RAB8A: variants seen among roughly 807,000 people sequenced by gnomAD.
RAB8A encodes ras-related protein Rab-8A.
A neutral mutation model predicts 29.2 loss-of-function variants in RAB8A; 5 were observed. That is an observed-to-expected ratio of 0.17 (90% CI 0.09 to 0.36). RAB8A has a LOEUF of 0.36. Among genes scored for constraint, RAB8A ranks in the 10% least tolerant of loss-of-function variants. The probability of loss-of-function intolerance (pLI) is 1.00; values close to 1 mark genes in which losing one functional copy is unlikely to be tolerated. For synonymous variants in RAB8A, 108 were observed against 99.9 expected (o/e 1.08, Z -0.49); for missense variants, 171 against 272.2 (o/e 0.63, Z 2.62).
At chr19:16,118,133 C>T in intron 1 of RAB8A, 93 bp from the exon 2 acceptor site, 1 of 1,069,010 alleles carries the variant, frequency 9.4e-7, no homozygotes, top group Middle Eastern at 2.0e-4. Context: ...TAAGCCACAA[C>T]AGCTGTCACC....
rs1300771566 is a variant in RAB8A, at chr19:16,125,734, C to G, written c.324+187C>G. On this transcript the variant is annotated intron_variant, in intron 4 of 7. Coordinates refer to ENST00000300935, the MANE Select transcript of RAB8A (RefSeq NM_005370.5). This position sits in a 1 kb window ranked among gnomAD's most constrained non-coding sequence, Gnocchi z 5.0. ...CCGGCCCCAGGGACCACACACTGGCCTGGCCCCACCCCGGAGCCCCTCGGA... is the reference window on the plus strand; with the variant it reads ...CCGGCCCCAGGGACCACACACTGGCGTGGCCCCACCCCGGAGCCCCTCGGA... 2.8e-6 allele frequency: 2 copies of G among 704,364 alleles called. No homozygotes were observed. Among genetic ancestry groups the G allele is most frequent in the Non-Finnish European group, 5.2e-6 (2 of 388,076 alleles). 43.6% of individuals were successfully genotyped at this position (704,364 alleles called of 1,614,324 possible).
In RAB8A at chr19:16,117,829, G is replaced by A. The variant is rs571940143; in HGVS notation, c.125-397G>A. On this transcript the variant is annotated intron_variant, in intron 1 of 7. Coordinates refer to ENST00000300935, the MANE Select transcript of RAB8A (RefSeq NM_005370.5). ...AGAGAACGTGACCATGTGCATTGAC[G>A]CATGGTGGGGCCTAAGGCCCTGTGT... 5.3e-5 allele frequency among the ~76,000 whole-genome samples: 8 copies of A among 152,294 alleles called. No individual in the cohort carries two copies. In the East Asian group the frequency reaches 1.2e-3, roughly 22 times the overall value.
chr19:16,125,774 C>G lies in RAB8A; in HGVS notation c.324+227C>G. 10 of 663,638 alleles carry G rather than the reference C, an allele frequency of 1.5e-5. No individual in the cohort carries two copies. The South Asian group carries it at 1.5e-4, about 10-fold the overall frequency. 41.1% of individuals were successfully genotyped at this position (663,638 alleles called of 1,614,324 possible). A position where few individuals can be genotyped will look rare whatever the true frequency, so the allele number is the denominator to read the frequency against. On this transcript the variant is annotated intron_variant, in intron 4 of 7. Coordinates refer to ENST00000300935, the MANE Select transcript of RAB8A (RefSeq NM_005370.5). This position sits in a 1 kb window ranked among gnomAD's most constrained non-coding sequence, Gnocchi z 5.0. ...AGCCCCTCGGAGCCCATCCCTCCAG[C>G]TAGGCTGTTGGATCTGGCCAGTGTC...
chr19:16,130,817 AT>A (rs920300865), intron 7 of RAB8A, among the ~76,000 whole-genome samples: 11 of 138,018 alleles, frequency 8.0e-5, no homozygotes, highest in Admixed American at 3.1e-4. Flanking sequence ...TGCCTGGCTA[AT>A]TTTTTTTCTT....
rs766806877 is a variant in RAB8A, at chr19:16,111,918, ATTACCTG to A, written c.20_26del (p.Tyr7SerfsTer5). On this transcript the variant is annotated frameshift_variant, in exon 1 of 8. Transcript: ENST00000300935. LOFTEE classifies it high-confidence loss of function. ...GAGTGTAATATGGCGAAGACCTACG[ATTACCTG>A]TTCAAGCTGCTGCTGATCGGGGACT... 6.2e-7 allele frequency: 1 copy of A among 1,613,890 alleles called. No homozygotes were observed. The highest frequency in any genetic ancestry group is 1.1e-5 in the South Asian group (1 of 91,076).
At chr19:16,117,567 G>GTGAAC (rs2090851810) in intron 1 of RAB8A, among the ~76,000 whole-genome samples, 1 of 152,162 alleles carries the variant, frequency 6.6e-6, no homozygotes, top group Admixed American at 6.6e-5. Context: ...GAAGGCTGGG[G>GTGAAC]AGGGGACTGC....
intron 4 of RAB8A, chr19:16,126,101 C>T (rs1164668802): frequency 1.0e-5 from 2 of 195,568 alleles, no homozygotes; most frequent in South Asian, 9.6e-5. Context: ...TGGCTGCCGG[C>T]ACCTGCAGCT....
At position 16,125,317 on chromosome 19, in the gene RAB8A, T is replaced by C. The variant is rs1322531077; in HGVS notation, c.247-153T>C. On this transcript the variant is annotated intron_variant, in intron 3 of 7. Transcript: ENST00000300935. The surrounding 1 kb of genome is among the most constrained non-coding windows in gnomAD (Gnocchi z 5.0). The stretch of plus-strand genomic sequence containing the variant: ...AGGGATGGAGAGGAGGGGGCTGGCT[T>C]CCGGGGCTCCACAGAGGTGGGGAGG... The C allele has an allele frequency of 1.5e-6, 1 of 661,382 alleles. No homozygotes were observed. Among genetic ancestry groups the C allele is most frequent in the Non-Finnish European group, 2.7e-6 (1 of 375,514 alleles). The allele number at this position is 661,382 out of a possible 1,614,324, so 41.0% of individuals were successfully genotyped here.
At position 16,129,819 on chromosome 19, in the gene RAB8A, C is replaced by T. The variant is rs138241571; in HGVS notation, c.531+215C>T. 1.2e-4 allele frequency among the ~76,000 whole-genome samples: 19 copies of T among 152,300 alleles called. No individual in the cohort carries two copies. In the Middle Eastern group the frequency reaches 0.01, roughly 82 times the overall value. ...GGGACGCTGCCCAAGCAGACAAGGC[C>T]GTGCCCGGTGAATCCCCAGGCTAGC... On this transcript the variant is annotated intron_variant, in intron 7 of 7. Transcript: ENST00000300935.
At chr19:16,124,376 A>C (rs2090888503) in intron 3 of RAB8A, 2 of 152,244 alleles carry the variant, frequency 1.3e-5, no homozygotes, top group Admixed American at 6.5e-5. Context: ...TTATTCTGCA[A>C]ACTTGGATGG....
chr19:16,128,022 A>T lies in RAB8A; in HGVS notation c.415-4A>T. Reference sequence around the variant, plus strand: ...GCTCATGCGTGTGCCTCCCTCTCTCACAGCTGGCCCTCGACTATGGAATCA... The same window carrying T: ...GCTCATGCGTGTGCCTCCCTCTCTCTCAGCTGGCCCTCGACTATGGAATCA... On this transcript the variant is annotated splice_polypyrimidine_tract_variant and splice_region_variant and intron_variant, in intron 5 of 7. Coordinates refer to ENST00000300935, the MANE Select transcript of RAB8A (RefSeq NM_005370.5). 1 of 1,614,044 alleles carries T rather than the reference A, an allele frequency of 6.2e-7. No individual in the cohort carries two copies. The highest frequency in any genetic ancestry group is 8.5e-7 in the Non-Finnish European group (1 of 1,179,958).
At position 16,125,906 on chromosome 19, in the gene RAB8A, G is replaced by A. The variant is rs2090898882; in HGVS notation, c.324+359G>A. On this transcript the variant is annotated intron_variant, in intron 4 of 7. Coordinates refer to ENST00000300935, the MANE Select transcript of RAB8A (RefSeq NM_005370.5). The surrounding 1 kb of genome is among the most constrained non-coding windows in gnomAD (Gnocchi z 5.0). ...GGTGTGACCCTTGTAGTTGGAGGGT[G>A]TGGTGAGCAGGCGTCAGTTGTACTT... 5.1e-6 allele frequency: 2 copies of A among 394,818 alleles called. No individual in the cohort carries two copies. The highest frequency in any genetic ancestry group is 7.2e-5 in the Admixed American group (2 of 27,842). 24.5% of individuals were successfully genotyped at this position (394,818 alleles called of 1,614,324 possible). A position where few individuals can be genotyped will look rare whatever the true frequency, so the allele number is the denominator to read the frequency against.
At position 16,125,615 on chromosome 19, in the gene RAB8A, A is replaced by C; in HGVS notation, c.324+68A>C. 2 of 1,448,684 alleles carry C rather than the reference A, an allele frequency of 1.4e-6. No individual in the cohort carries two copies. Among genetic ancestry groups the C allele is most frequent in the Non-Finnish European group, 9.6e-7 (1 of 1,041,910 alleles). The allele number at this position is 1,448,684 out of a possible 1,614,324, so 89.7% of individuals were successfully genotyped here. A position where few individuals can be genotyped will look rare whatever the true frequency, so the allele number is the denominator to read the frequency against. On this transcript the variant is annotated intron_variant, in intron 4 of 7. Coordinates refer to ENST00000300935, the MANE Select transcript of RAB8A (RefSeq NM_005370.5). The surrounding 1 kb of genome is among the most constrained non-coding windows in gnomAD (Gnocchi z 5.0). Reference sequence around the variant, plus strand: ...TGTCCCAGAGCCCTCTGGTTTACTCATGAGAAGGCCAAGGTGCAGAGACAC... The same window carrying C: ...TGTCCCAGAGCCCTCTGGTTTACTCCTGAGAAGGCCAAGGTGCAGAGACAC...
chr19:16,131,581 AGATGGATGGGTG>A (rs2090924477), intron 7 of RAB8A, among the ~76,000 whole-genome samples: 1 of 146,788 alleles, frequency 6.8e-6, no homozygotes, highest in African/African-American at 2.6e-5. Flanking sequence ...GGGGGGAAGG[AGATGGATGGGTG>A]GATGGATGGT....
chr19:16,132,403 C>G lies in RAB8A; in HGVS notation c.*99C>G. 8.4e-7 allele frequency: 1 copy of G among 1,183,484 alleles called. No homozygotes were observed. Among genetic ancestry groups the G allele is most frequent in the Non-Finnish European group, 1.2e-6 (1 of 835,322 alleles). 73.3% of individuals were successfully genotyped at this position (1,183,484 alleles called of 1,614,324 possible). A position where few individuals can be genotyped will look rare whatever the true frequency, so the allele number is the denominator to read the frequency against. ...CGGGGCCCTCCCACCTCCAACGCCC[C>G]GCCCACGCCGCGGCCACCGGGCCCA... On this transcript the variant is annotated 3_prime_UTR_variant, in exon 8 of 8. Transcript: ENST00000300935. This position sits in a 1 kb window ranked among gnomAD's most constrained non-coding sequence, Gnocchi z 5.6.
At chr19:16,131,797 C>T (rs377255443) in intron 7 of RAB8A, among the ~76,000 whole-genome samples, 3 of 146,288 alleles carry the variant, frequency 2.1e-5, no homozygotes, top group South Asian at 2.2e-4. Context: ...GGTGGATAGA[C>T]GGATGGAAGG....
intron 1 of RAB8A, 52 bp downstream of exon 1, chr19:16,112,077 C>T (rs1390473590): frequency 1.2e-6 from 2 of 1,603,040 alleles, no homozygotes; most frequent in African/African-American, 1.3e-5. Flanking sequence ...GCTGGGCGCG[C>T]CCCTGAGGGG....
intron 1 of RAB8A, among the ~76,000 whole-genome samples, chr19:16,116,556 C>T (rs1456934812): frequency 6.6e-6 from 1 of 152,166 alleles, no homozygotes; most frequent in Admixed American, 6.5e-5. Flanking sequence ...CAGGCACGCA[C>T]GGTGGCACAG....
chr19:16,132,348 T>C lies in RAB8A; in HGVS notation c.*44T>C, dbSNP rs746560251. 1.9e-6 allele frequency: 3 copies of C among 1,591,602 alleles called. No individual in the cohort carries two copies. Among genetic ancestry groups the C allele is most frequent in the Non-Finnish European group, 2.6e-6 (3 of 1,165,494 alleles). The stretch of plus-strand genomic sequence containing the variant: ...GAGCCTCGCTCAGCCCAGCTGACTG[T>C]GCCTGTTCTGAGTGAGCCCCTCACT... On this transcript the variant is annotated 3_prime_UTR_variant, in exon 8 of 8. Transcript: ENST00000300935. This position sits in a 1 kb window ranked among gnomAD's most constrained non-coding sequence, Gnocchi z 5.6.
Sources: gnomAD v4.1 joint callset for allele counts (sites outside exome capture counted in the v4.1 genomes callset) on GRCh38, gnomAD v4.1.1 for gene constraint, Gnocchi (gnomAD v3.1) non-coding constraint, MANE v1.5 for transcripts, NCBI Gene and HGNC (gene_info 2026-07-23, HGNC 2026-07-21) for gene names.